Variants in AOX1 observed in about 807,000 individuals in gnomAD.
AOX1 encodes aldehyde oxidase 1, also known as aldehyde oxidase.
AOX1 carries 153 observed loss-of-function variants against 169.5 expected under a neutral mutation model. That is an observed-to-expected ratio of 0.90 (90% CI 0.79 to 1.03). The LOEUF is 1.03. Among genes scored for constraint, AOX1 ranks in the 50% least tolerant of loss-of-function variants. AOX1 has a pLI of 0.00. For missense variants in AOX1, 1,656 were observed against 1,663.9 expected, an observed-to-expected ratio of 1.00 and a Z score of 0.08; for synonymous variants, 562 against 581.9, an observed-to-expected ratio of 0.97 and a Z score of 0.49.
At chr2:200,657,399 T>TGTCA (rs2105765432) in intron 27 of AOX1, among the ~76,000 whole-genome samples, 1 of 151,696 alleles carries the variant, frequency 6.6e-6, no homozygotes, top group South Asian at 2.1e-4. Context: ...AGATTTGAGC[T>TGTCA]TTGACAGTTT....
chr2:200,630,448 G>A (rs978022816), intron 20 of AOX1, among the ~76,000 whole-genome samples: 26 of 151,730 alleles, frequency 1.7e-4, no homozygotes, highest in African/African-American at 5.6e-4. Context: ...GCTTGAACCC[G>A]GTAGGCGGAG....
chr2:200,680,534 GGTTTTT>G (rs71022331), downstream of AOX1, among the ~76,000 whole-genome samples: 1,272 of 149,372 alleles, frequency 8.5e-3, 19 homozygotes, highest in African/African-American at 0.029. Flanking sequence ...TCAGGGCCAA[GGTTTTT>G]GTTTTTGTTT....
rs79566603 is a variant in AOX1, at chr2:200,676,902, C to T, written c.511C>T (p.Arg171Trp). 3.0e-3 allele frequency: 1,414 copies of T among 470,706 alleles called. 18 individuals are homozygous for T. Among genetic ancestry groups the T allele is most frequent in the African/African-American group, 0.025 (1,256 of 50,130 alleles). The allele number at this position is 470,706 out of a possible 1,614,324, so 29.2% of individuals were successfully genotyped here. Residue 171 changes from arginine (R) to tryptophan (W), a missense_variant, in exon 5 of 5, where the codon CGG (arginine) becomes TGG (tryptophan). Arg to Trp is a moderately radical substitution (Grantham distance 101, BLOSUM62 -3). Coordinates refer to the AOX1 transcript ENST00000439380. The stretch of plus-strand genomic sequence containing the variant: ...GGGAGCACATGGCAAGCCTGTCAGG[C>T]GGACACAGGAACAGGTGCTTTTGAT...
In AOX1 at chr2:200,669,625, C is replaced by G. The variant is rs1433708120; in HGVS notation, c.3849C>G (p.Ile1283Met). The G allele has an allele frequency of 1.2e-6, 2 of 1,613,806 alleles. No homozygotes were observed. Among genetic ancestry groups the G allele is most frequent in the Non-Finnish European group, 1.7e-6 (2 of 1,179,964 alleles). Residue 1283 changes from isoleucine (I) to methionine (M), a missense_variant, in exon 34 of 35, where the codon ATC becomes ATG. Ile to Met is a conservative substitution (Grantham distance 10). Transcript: ENST00000374700. ...VFLGCSVFFA[I>M]HDAVSAARQE... ...TGGGGTGTTCCGTGTTTTTCGCTATCCATGACGCAGTGAGTGCAGCACGAC... is the reference window on the plus strand; with the variant it reads ...TGGGGTGTTCCGTGTTTTTCGCTATGCATGACGCAGTGAGTGCAGCACGAC...
chr2:200,655,907 A>G (rs2105763113), intron 26 of AOX1, among the ~76,000 whole-genome samples: 1 of 152,366 alleles, frequency 6.6e-6, no homozygotes, highest in South Asian at 2.1e-4. Flanking sequence ...TTGCTTACAA[A>G]TAATCTAAGT....
At chr2:200,599,914 A>G (rs1422628704) in intron 5 of AOX1, among the ~76,000 whole-genome samples, 168 bp downstream of exon 5, 1 of 152,022 alleles carries the variant, frequency 6.6e-6, no homozygotes, top group African/African-American at 2.4e-5. Flanking sequence ...GCCTCCCCTC[A>G]TGCTTTTACT....
intron 2 of AOX1, among the ~76,000 whole-genome samples, chr2:200,594,260 T>A (rs2034233785): frequency 6.6e-6 from 1 of 152,192 alleles, no homozygotes; most frequent in Non-Finnish European, 1.5e-5. Context: ...TCCATGTCTC[T>A]CCATAGCACT....
At chr2:200,658,650 C>A (rs2035742665) in intron 27 of AOX1, among the ~76,000 whole-genome samples, 1 of 152,230 alleles carries the variant, frequency 6.6e-6, no homozygotes, top group Non-Finnish European at 1.5e-5. Context: ...CCAGCTAAGT[C>A]CTTGTGTTGG....
At chr2:200,659,365 A>C in intron 28 of AOX1, 72 bp downstream of exon 28, 1 of 1,524,148 alleles carries the variant, frequency 6.6e-7, no homozygotes, top group South Asian at 1.2e-5. Flanking sequence ...GTGGAGCTCC[A>C]AAGATGCTGA....
At chr2:200,670,593 C>T in intron 34 of AOX1, 36 bp from the exon 35 acceptor site, 1 of 1,584,320 alleles carries the variant, frequency 6.3e-7, no homozygotes, top group Non-Finnish European at 8.6e-7. Flanking sequence ...ACAAACATTT[C>T]CCAGGTTTGA....
rs1302061081 is a variant in AOX1, at chr2:200,620,824, G to C, written c.1874+5G>C. 1 of 1,590,984 alleles carries C rather than the reference G, an allele frequency of 6.3e-7. No homozygotes were observed. The highest frequency in any genetic ancestry group is 1.4e-5 in the African/African-American group (1 of 73,488). On this transcript the variant is annotated splice_donor_5th_base_variant and intron_variant, in intron 17 of 34. Coordinates refer to ENST00000374700, the MANE Select transcript of AOX1 (RefSeq NM_001159.4). ...AAGAGCTCATGCTAAGATTGTGTAA[G>C]TGGTAAAATTCTTACTCAATGGGCA...
intron 29 of AOX1, among the ~76,000 whole-genome samples, chr2:200,660,520 A>G (rs1439306960): frequency 6.6e-6 from 1 of 152,216 alleles, no homozygotes; most frequent in Non-Finnish European, 1.5e-5. Context: ...ATGTTCATCC[A>G]GTAATAGGTA....
Position 200,597,226 on chromosome 2 carries a change from T to C in AOX1, c.201-171T>C, listed in dbSNP as rs533719037. Among the ~76,000 whole-genome samples, 5 of 152,332 alleles carry C rather than the reference T, an allele frequency of 3.3e-5. No homozygotes were observed. In the South Asian group the frequency reaches 1.0e-3, roughly 32 times the overall value. On this transcript the variant is annotated intron_variant, in intron 3 of 34. Transcript: ENST00000374700. ...GAGTAAATCACTCTGATCCTCAGAT[T>C]CCACTTCTCTAAAATGGGCCTGTGC...
intron 27 of AOX1, among the ~76,000 whole-genome samples, chr2:200,657,190 A>ATATATATATATATTTTTTT: frequency 1.1e-4 from 7 of 62,872 alleles, no homozygotes; most frequent in East Asian, 9.1e-4. Flanking sequence ...ATATATATAT[A>ATATATATATATATTTTTTT]TTTTTTTTTT....
In AOX1 at chr2:200,607,955, C is replaced by T. The variant is rs762822059; in HGVS notation, c.908-1029C>T. ...ACACAGGAAGGGGAACAACACATACCGGGGCCTGTTGGCGGGTGGGGAGCA... is the reference window on the plus strand; with the variant it reads ...ACACAGGAAGGGGAACAACACATACTGGGGCCTGTTGGCGGGTGGGGAGCA... On this transcript the variant is annotated intron_variant, in intron 10 of 34. Transcript: ENST00000374700. Among the ~76,000 whole-genome samples the T allele has an allele frequency of 2.6e-4, 40 of 152,118 alleles. No individual in the cohort carries two copies. In the South Asian group the frequency reaches 2.7e-3, roughly 10 times the overall value.
intron 26 of AOX1, among the ~76,000 whole-genome samples, chr2:200,653,516 A>T (rs1157889615): frequency 6.6e-6 from 1 of 152,218 alleles, no homozygotes; most frequent in Non-Finnish European, 1.5e-5. Flanking sequence ...ACTGAAGCTC[A>T]TAGGGATTCT....
chr2:200,612,145 G>T (rs1050193733), intron 13 of AOX1, among the ~76,000 whole-genome samples: 4 of 152,050 alleles, frequency 2.6e-5, no homozygotes, highest in Admixed American at 6.6e-5. Context: ...TTTGAAAAAA[G>T]CCTAAAAATA....
intron 2 of AOX1, among the ~76,000 whole-genome samples, chr2:200,593,409 C>T (rs533189220): frequency 2.0e-5 from 3 of 152,236 alleles, no homozygotes; most frequent in Admixed American, 6.5e-5. Flanking sequence ...TTCTTCTAGT[C>T]TCTGTATAAA....
chr2:200,601,423 C>T (rs1222957798), intron 5 of AOX1, among the ~76,000 whole-genome samples: 1 of 151,972 alleles, frequency 6.6e-6, no homozygotes, highest in East Asian at 1.9e-4. Context: ...ATTGTATACT[C>T]AAACATTTGC....
Sources: gnomAD v4.1 joint callset for allele counts (sites outside exome capture counted in the v4.1 genomes callset) on GRCh38, gnomAD v4.1.1 for gene constraint, MANE v1.5 for transcripts, NCBI Gene and HGNC (gene_info 2026-07-23, HGNC 2026-07-21) for gene names.